LRP1B: variants seen among roughly 807,000 people sequenced by gnomAD.
LRP1B encodes the protein low-density lipoprotein receptor-related protein 1B.
A neutral mutation model predicts 556.6 loss-of-function variants in LRP1B; 217 were observed. The ratio of observed to expected loss-of-function variants is 0.39; its 90% confidence interval spans 0.35 to 0.44. LRP1B has a LOEUF of 0.44. LRP1B is among the 20% of genes least tolerant of loss of function. LRP1B has a pLI of 1.00. For synonymous variants in LRP1B, 2,047 were observed against 1,865.8 expected (o/e 1.10, Z -2.50); for missense variants, 5,053 against 5,620.8 (o/e 0.90, Z 3.23).
chr2:141,640,801 A>T (rs1056043089), intron 2 of LRP1B, among the ~76,000 whole-genome samples: 1 of 27,998 alleles, frequency 3.6e-5, no homozygotes, highest in Non-Finnish European at 7.3e-5. Flanking sequence ...CTCAGCAAAT[A>T]AAAATAAGAA....
At chr2:141,539,767 G>A (rs1685189199) in intron 2 of LRP1B, among the ~76,000 whole-genome samples, 1 of 151,990 alleles carries the variant, frequency 6.6e-6, no homozygotes, top group African/African-American at 2.4e-5. Flanking sequence ...AAATAAGCAA[G>A]GTATTGTTCC....
Position 142,054,705 on chromosome 2 carries a change from C to T in LRP1B, c.82+75943G>A, listed in dbSNP as rs913413988. On this transcript the variant is annotated intron_variant, in intron 1 of 90. Coordinates refer to ENST00000389484, the MANE Select transcript of LRP1B (RefSeq NM_018557.3). The stretch of plus-strand genomic sequence containing the variant: ...GAGTGAACTCTGTCTTATTCATCTA[C>T]TGTATACCATAGACTGCACCTTATT... 3.9e-5 allele frequency among the ~76,000 whole-genome samples: 6 copies of T among 152,206 alleles called. No individual in the cohort carries two copies. The South Asian group carries it at 1.2e-3, about 32-fold the overall frequency.
At chr2:140,663,913 CACT>C (rs1685180072) in intron 41 of LRP1B, among the ~76,000 whole-genome samples, 2 of 151,998 alleles carry the variant, frequency 1.3e-5, no homozygotes, top group African/African-American at 4.8e-5. Context: ...TTTACTTGAA[CACT>C]TGAGACTGCT....
At chr2:141,937,288 G>A (rs954575110) in intron 1 of LRP1B, among the ~76,000 whole-genome samples, 27 of 152,086 alleles carry the variant, frequency 1.8e-4, no homozygotes, top group African/African-American at 6.3e-4. Context: ...TGAGGCAGGA[G>A]AATGCTGTGA....
At chr2:142,116,192 CAAAAAAAA>C (rs70994477) in intron 1 of LRP1B, among the ~76,000 whole-genome samples, 1 of 65,456 alleles carries the variant, frequency 1.5e-5, no homozygotes, top group Admixed American at 2.1e-4. Flanking sequence ...GAGTCTGTCT[CAAAAAAAA>C]AAAAAAAAAA....
chr2:142,016,211 C>A (rs962197602), intron 1 of LRP1B, among the ~76,000 whole-genome samples: 4 of 152,102 alleles, frequency 2.6e-5, no homozygotes, highest in African/African-American at 7.2e-5. Context: ...GAAATAGGAA[C>A]GCTTTTACAC....
At chr2:140,992,441 A>G (rs972730163) in intron 16 of LRP1B, 3 of 152,118 alleles carry the variant, frequency 2.0e-5, no homozygotes, top group African/African-American at 7.2e-5. Context: ...TAAGGAACCA[A>G]TACATGAATA....
chr2:140,298,769 G>T (rs116473851), intron 83 of LRP1B, among the ~76,000 whole-genome samples: 2,554 of 152,200 alleles, frequency 0.017, 74 homozygotes, highest in African/African-American at 0.059. Flanking sequence ...GTTAACTCTT[G>T]TATATTAGGA....
chr2:141,224,122 G>A (rs1420427674), intron 6 of LRP1B, among the ~76,000 whole-genome samples: 3 of 148,826 alleles, frequency 2.0e-5, no homozygotes, highest in Non-Finnish European at 4.5e-5. Flanking sequence ...GACAATTTTT[G>A]CAATCTACAA....
chr2:140,932,574 A>G (rs1695080800), intron 20 of LRP1B, among the ~76,000 whole-genome samples: 1 of 152,098 alleles, frequency 6.6e-6, no homozygotes, highest in African/African-American at 2.4e-5. Flanking sequence ...TCAAGTATAT[A>G]CATATCAACA....
Position 141,897,836 on chromosome 2 carries a change from C to T in LRP1B, c.83-87435G>A, listed in dbSNP as rs189555618. Among the ~76,000 whole-genome samples, 13 of 152,190 alleles carry T rather than the reference C, an allele frequency of 8.5e-5. No homozygotes were observed. The East Asian group carries it at 9.7e-4, about 11-fold the overall frequency. ...AAATTTCACAACTTCTCCCAAAACA[C>T]GGTTATAAATTTTTCCATTAGCTAC... is the stretch of plus-strand genomic sequence containing the variant. On this transcript the variant is annotated intron_variant, in intron 1 of 90. Coordinates refer to ENST00000389484, the MANE Select transcript of LRP1B (RefSeq NM_018557.3).
intron 71 of LRP1B, among the ~76,000 whole-genome samples, chr2:140,368,263 T>C (rs2105159823): frequency 6.6e-6 from 1 of 151,954 alleles, no homozygotes; most frequent in African/African-American, 2.4e-5. Flanking sequence ...TAGAAAAGTA[T>C]ATATGAATTA....
intron 66 of LRP1B, among the ~76,000 whole-genome samples, chr2:140,440,008 T>C (rs1686356338): frequency 6.6e-6 from 1 of 152,152 alleles, no homozygotes; most frequent in South Asian, 2.1e-4. Flanking sequence ...CATTGTTTTC[T>C]TTACATAATT....
intron 2 of LRP1B, among the ~76,000 whole-genome samples, chr2:141,650,505 C>T (rs929030722): frequency 1.3e-5 from 2 of 152,164 alleles, no homozygotes; most frequent in Non-Finnish European, 2.9e-5. Context: ...GACCTGATTA[C>T]ATTTGAGTTT....
At chr2:140,761,713 G>T (rs1407748127) in intron 35 of LRP1B, among the ~76,000 whole-genome samples, 1 of 152,134 alleles carries the variant, frequency 6.6e-6, no homozygotes, top group South Asian at 2.1e-4. Context: ...GAGCTTGGTA[G>T]TGAATCCTCC....
At chr2:140,636,227 T>C (rs1337046304) in intron 41 of LRP1B, among the ~76,000 whole-genome samples, 3 of 152,282 alleles carry the variant, frequency 2.0e-5, no homozygotes, top group African/African-American at 7.2e-5. Flanking sequence ...ATATTGATTC[T>C]TGTATAAAGC....
chr2:141,916,867 C>A (rs1448392554), intron 1 of LRP1B, among the ~76,000 whole-genome samples: 1 of 152,060 alleles, frequency 6.6e-6, no homozygotes, highest in Non-Finnish European at 1.5e-5. Flanking sequence ...AACCTCAGCA[C>A]CACACAATAT....
intron 67 of LRP1B, among the ~76,000 whole-genome samples, chr2:140,383,386 AT>A (rs1683622121): frequency 6.6e-6 from 1 of 151,638 alleles, no homozygotes; most frequent in Admixed American, 6.6e-5. Context: ...CAGCAATAGT[AT>A]TTTTTTTCTA....
At chr2:141,901,332 C>T (rs1558949555) in intron 1 of LRP1B, among the ~76,000 whole-genome samples, 1 of 151,794 alleles carries the variant, frequency 6.6e-6, no homozygotes, top group Non-Finnish European at 1.5e-5. Flanking sequence ...GTATTTTCCC[C>T]CTATGTTAGT....
Sources: allele counts gnomAD v4.1 joint callset (sites outside exome capture counted in the v4.1 genomes callset), GRCh38; gene constraint gnomAD v4.1.1; transcripts MANE v1.5; gene names NCBI Gene and HGNC (gene_info 2026-07-23, HGNC 2026-07-21).